PRELID2: variants seen among roughly 807,000 people sequenced by gnomAD.
The protein encoded by PRELID2 is PRELI domain-containing protein 2.
A neutral mutation model predicts 28.4 loss-of-function variants in PRELID2; 25 were observed. That is an observed-to-expected ratio of 0.88 (90% CI 0.64 to 1.23). The LOEUF is 1.23. Ranked by LOEUF, PRELID2 falls within the 50% of genes most tolerant of loss-of-function variation. PRELID2 has a pLI of 0.00. For synonymous variants in PRELID2, 76 were observed against 71.6 expected (o/e 1.06, Z -0.31); for missense variants, 201 against 214.4 (o/e 0.94, Z 0.39).
At chr5:145,284,896 G>T in the PRELID2 span, among the ~76,000 whole-genome samples, 1 of 152,048 alleles carries the variant, frequency 6.6e-6, no homozygotes, top group Non-Finnish European at 1.5e-5. Context: ...AGGAGGGAAA[G>T]AATGCATTCA....
chr5:145,347,265 G>A, the PRELID2 span, among the ~76,000 whole-genome samples: 1 of 152,238 alleles, frequency 6.6e-6, no homozygotes, highest in South Asian at 2.1e-4. Context: ...CTCCAATTCA[G>A]AAAGCTGAGT....
chr5:145,471,388 T>C (rs768365159), downstream of PRELID2, among the ~76,000 whole-genome samples: 13 of 152,260 alleles, frequency 8.5e-5, no homozygotes, highest in African/African-American at 3.1e-4. Context: ...ATATTTCTTA[T>C]ACCAAAAGGG....
At chr5:145,585,472 TAAC>T (rs1753144978) in intron 1 of PRELID2, among the ~76,000 whole-genome samples, 1 of 152,146 alleles carries the variant, frequency 6.6e-6, no homozygotes, top group South Asian at 2.1e-4. Context: ...TTAAAAATGA[TAAC>T]AATAATTAAT....
chr5:145,342,939 G>T, the PRELID2 span, among the ~76,000 whole-genome samples: 6 of 145,896 alleles, frequency 4.1e-5, no homozygotes, highest in Non-Finnish European at 6.0e-5. Context: ...GTCTTATAAT[G>T]ATAAAGGGAT....
At chr5:145,819,741 A>G in intron 3 of PRELID2, 1 of 594,206 alleles carries the variant, frequency 1.7e-6, no homozygotes. Context: ...AGAGTTCTTC[A>G]CAAGACAGAG....
At chr5:145,646,443 T>C (rs1339637819) in intron 1 of PRELID2, among the ~76,000 whole-genome samples, 1 of 152,232 alleles carries the variant, frequency 6.6e-6, no homozygotes, top group Non-Finnish European at 1.5e-5. Context: ...CTAACCTTTT[T>C]TCAAGGTTCT....
chr5:145,270,415 CATAAGT>C, the PRELID2 span, among the ~76,000 whole-genome samples: 2 of 151,986 alleles, frequency 1.3e-5, no homozygotes, highest in Non-Finnish European at 2.9e-5. Flanking sequence ...ACACTTTTTA[CATAAGT>C]ATAACAGCAT....
chr5:145,578,641 A>G (rs1753082290), intron 1 of PRELID2, among the ~76,000 whole-genome samples: 1 of 152,072 alleles, frequency 6.6e-6, no homozygotes, highest in Non-Finnish European at 1.5e-5. Context: ...TATGATGGTA[A>G]TCTTTCACTA....
chr5:145,356,473 T>G, the PRELID2 span, among the ~76,000 whole-genome samples: 1 of 152,090 alleles, frequency 6.6e-6, no homozygotes, highest in African/African-American at 2.4e-5. Context: ...ATATATCTAT[T>G]TTGGATGGTT....
chr5:145,651,908 G>T (rs1754304563), intron 1 of PRELID2, among the ~76,000 whole-genome samples: 1 of 152,260 alleles, frequency 6.6e-6, no homozygotes, highest in African/African-American at 2.4e-5. Context: ...GATGGAGAAT[G>T]ACTTTGACAA....
At chr5:145,767,248 T>C (rs1429127036) in intron 5 of PRELID2, among the ~76,000 whole-genome samples, 1 of 150,536 alleles carries the variant, frequency 6.6e-6, no homozygotes, top group Non-Finnish European at 1.5e-5. Context: ...TTCAGAGGGA[T>C]GGCTTGATGG....
At chr5:145,683,887 A>G (rs1754986112) in intron 1 of PRELID2, among the ~76,000 whole-genome samples, 1 of 152,156 alleles carries the variant, frequency 6.6e-6, no homozygotes, top group African/African-American at 2.4e-5. Context: ...ACTGATGCAC[A>G]TTGCTTATTG....
At chr5:145,290,699 T>C in the PRELID2 span, among the ~76,000 whole-genome samples, 1 of 152,062 alleles carries the variant, frequency 6.6e-6, no homozygotes. Context: ...TGTATACATA[T>C]GTAACAAACC....
At chr5:145,770,694 T>C (rs1758046879) in intron 5 of PRELID2, among the ~76,000 whole-genome samples, 1 of 152,154 alleles carries the variant, frequency 6.6e-6, no homozygotes. Context: ...TAGGCTAATG[T>C]GTGAATGTAT....
chr5:145,669,703 C>T (rs1171530184), intron 1 of PRELID2, among the ~76,000 whole-genome samples: 4 of 152,152 alleles, frequency 2.6e-5, no homozygotes, highest in African/African-American at 9.7e-5. Context: ...TTGCCTCCTG[C>T]CTATCTCTCC....
downstream of PRELID2, among the ~76,000 whole-genome samples, chr5:145,468,817 C>T (rs922929389): frequency 6.6e-6 from 1 of 151,942 alleles, no homozygotes; most frequent in African/African-American, 2.4e-5. Flanking sequence ...GGATATTAGC[C>T]CTTTGTCAGA....
chr5:145,537,913 A>C (rs1170106074), intron 1 of PRELID2, among the ~76,000 whole-genome samples: 1 of 151,884 alleles, frequency 6.6e-6, no homozygotes, highest in Non-Finnish European at 1.5e-5. Context: ...ATCCTTCCCC[A>C]GCCCAATACC....
At chr5:145,804,957 T>C (rs759930162) in intron 4 of PRELID2, among the ~76,000 whole-genome samples, 1 of 152,168 alleles carries the variant, frequency 6.6e-6, no homozygotes, top group South Asian at 2.1e-4. Flanking sequence ...GTGGAGGAGG[T>C]AGACCCTGAG....
At chr5:145,421,817 G>A in the PRELID2 span, among the ~76,000 whole-genome samples, 1 of 136,244 alleles carries the variant, frequency 7.3e-6, no homozygotes, top group Non-Finnish European at 1.6e-5. Context: ...TCTTTTAATT[G>A]TGATGTTAGG....
Sources: allele counts gnomAD v4.1 joint callset (sites outside exome capture counted in the v4.1 genomes callset), GRCh38; gene constraint gnomAD v4.1.1; transcripts MANE v1.5; gene names NCBI Gene and HGNC (gene_info 2026-07-23, HGNC 2026-07-21).